The following MYO1H variants were observed in gnomAD, a reference collection of about 807,000 sequenced individuals.
MYO1H encodes the protein myosin IH.
In MYO1H, 118 loss-of-function variants were observed where a neutral mutation model predicts 149.3. That is an observed-to-expected ratio of 0.79 (90% CI 0.68 to 0.92). The LOEUF (loss-of-function observed/expected upper bound fraction) is 0.92. Among genes scored for constraint, MYO1H ranks in the 40% least tolerant of loss-of-function variants. The probability of loss-of-function intolerance (pLI) is 0.00; values close to 1 mark genes in which losing one functional copy is unlikely to be tolerated. For missense variants in MYO1H, 1,212 were observed against 1,280.7 expected (o/e 0.95, Z 0.82); for synonymous variants, 447 against 465.2 (o/e 0.96, Z 0.50).
the MYO1H span, among the ~76,000 whole-genome samples, chr12:109,310,915 T>C: frequency 6.6e-6 from 1 of 152,228 alleles, no homozygotes; most frequent in Non-Finnish European, 1.5e-5. Context: ...TTAAAATGTG[T>C]GTTTTGACCG....
intron 10 of MYO1H, among the ~76,000 whole-genome samples, chr12:109,409,225 T>C (rs12820057): frequency 0.046 from 4,746 of 102,564 alleles, 68 homozygotes; most frequent in African/African-American, 0.073. Flanking sequence ...CCTTCTTCTT[T>C]TTCTTCTTCT....
chr12:109,334,674 C>A, the MYO1H span, among the ~76,000 whole-genome samples: 5 of 152,250 alleles, frequency 3.3e-5, no homozygotes, highest in African/African-American at 1.2e-4. Context: ...GTTTTACTTA[C>A]AGATATTTTC....
chr12:109,444,083 C>G, intron 28 of MYO1H, 130 bp from the exon 29 acceptor site: 1 of 736,920 alleles, frequency 1.4e-6, no homozygotes, highest in Non-Finnish European at 2.4e-6. Context: ...TAAAGTATGC[C>G]CTTCATCCTT....
rs1413349958 is a variant in MYO1H at position 109,447,144 on chromosome 12, G to T, written c.3094-15G>T. Reference sequence around the variant, plus strand: ...GCGGGGAAGGGCTGTAAACCGAAGTGTGACTCTCTCCCAGGTGTCAGTCCG... The same window carrying T: ...GCGGGGAAGGGCTGTAAACCGAAGTTTGACTCTCTCCCAGGTGTCAGTCCG... On this transcript the variant is annotated splice_polypyrimidine_tract_variant and intron_variant, in intron 31 of 31. Coordinates refer to ENST00000310903, the Ensembl canonical transcript of MYO1H. 6.3e-6 allele frequency: 10 copies of T among 1,595,616 alleles called. No homozygotes were observed. The highest frequency in any genetic ancestry group is 8.5e-6 in the Non-Finnish European group (10 of 1,170,298).
At chr12:109,426,369 T>G (rs995149650) in intron 18 of MYO1H, among the ~76,000 whole-genome samples, 1 of 151,936 alleles carries the variant, frequency 6.6e-6, no homozygotes, top group Non-Finnish European at 1.5e-5. Flanking sequence ...CTACTAAACA[T>G]ACAAACACTA....
At chr12:109,388,013 T>C (rs1869450855) in intron 1 of MYO1H, among the ~76,000 whole-genome samples, 1 of 152,150 alleles carries the variant, frequency 6.6e-6, no homozygotes, top group Admixed American at 6.5e-5. Context: ...CCACACCTTC[T>C]CCAGTGACAT....
chr12:109,317,092 T>G, the MYO1H span, among the ~76,000 whole-genome samples: 151 of 152,274 alleles, frequency 9.9e-4, 1 homozygote, highest in African/African-American at 3.6e-3. Context: ...GTTGATTGCC[T>G]CAAAAATTAA....
chr12:109,381,056 G>T (rs1226334121), intron 1 of MYO1H, among the ~76,000 whole-genome samples: 2 of 152,038 alleles, frequency 1.3e-5, no homozygotes, highest in Non-Finnish European at 2.9e-5. Context: ...TATTGAAAAG[G>T]TCTAGAAACA....
chr12:109,410,250 T>C (rs949078868), intron 12 of MYO1H, among the ~76,000 whole-genome samples, 182 bp downstream of exon 12: 4 of 152,132 alleles, frequency 2.6e-5, no homozygotes, highest in African/African-American at 9.7e-5. Context: ...CGAGTGATCC[T>C]CCTGCCTCAG....
Position 109,409,982 on chromosome 12 carries a change from A to G in MYO1H, c.1243A>G (p.Asn415Asp), listed in dbSNP as rs55913842. 1.7e-3 allele frequency: 2,634 copies of G among 1,535,498 alleles called. 3 individuals are homozygous for G. Among genetic ancestry groups the G allele is most frequent in the Non-Finnish European group, 2.2e-3 (2,493 of 1,139,096 alleles). ...CTCTAGTTTTGAACAGTTCTGTATAAATTACTGCAATGAGAAACTCCAGCA... is the reference window on the plus strand; with the variant it reads ...CTCTAGTTTTGAACAGTTCTGTATAGATTACTGCAATGAGAAACTCCAGCA... The change falls in exon 12 of 32, where the codon AAT (asparagine) becomes GAT (aspartate). Residue 415 changes from asparagine to aspartate, a missense_variant. By Grantham distance (23) the Asn-to-Asp change is conservative. Transcript: ENST00000310903.
At chr12:109,394,188 AT>A (rs763043919) in intron 3 of MYO1H, among the ~76,000 whole-genome samples, 1 of 152,246 alleles carries the variant, frequency 6.6e-6, no homozygotes, top group Non-Finnish European at 1.5e-5. Flanking sequence ...ACAGGGTAGA[AT>A]TATTCACCTG....
chr12:109,388,774 T>C lies in MYO1H; in HGVS notation c.104T>C (p.Leu35Ser), dbSNP rs774112907. 2.4e-5 allele frequency: 39 copies of C among 1,613,126 alleles called. 2 individuals carry two copies. In the South Asian group the frequency reaches 4.3e-4, roughly 18 times the overall value. ...GTCGGGGTTCAGGATTTTGTGCTAT[T>C]GGACGCGTACACCAGCGAATCTGCC... Residue 35 changes from leucine to serine, a missense_variant, in exon 2 of 32, where the codon TTG (leucine) becomes TCG (serine). Leu to Ser is a moderately radical substitution (Grantham distance 145). Transcript: ENST00000310903.
intron 1 of MYO1H, among the ~76,000 whole-genome samples, chr12:109,352,128 G>A (rs567291679): frequency 8.6e-4 from 131 of 152,110 alleles, no homozygotes; most frequent in African/African-American, 2.8e-3. Context: ...ATTCCTTGTC[G>A]TCACATAAGC....
rs150959108 is a variant in MYO1H, at chr12:109,404,042, G to A, written c.811G>A (p.Ala271Thr). The A allele has an allele frequency of 5.4e-5, 87 of 1,613,624 alleles. No individual in the cohort carries two copies. In the East Asian group the frequency reaches 1.6e-3, roughly 31 times the overall value. ...GAATGACTGGAAAACTGTTTCCAACGCCTTTTCTGTCATTGATTTTACTGA... is the reference window on the plus strand; with the variant it reads ...GAATGACTGGAAAACTGTTTCCAACACCTTTTCTGTCATTGATTTTACTGA... The change falls in exon 7 of 32, where the codon GCC (alanine) becomes ACC (threonine). Residue 271 changes from alanine to threonine, a missense_variant. Transcript: ENST00000310903.
chr12:109,444,917 C>T (rs1024758660), intron 30 of MYO1H, among the ~76,000 whole-genome samples: 2 of 151,938 alleles, frequency 1.3e-5, no homozygotes, highest in Admixed American at 6.6e-5. Context: ...ATTGTTTTCA[C>T]TCCTGCTTGC....
At chr12:109,406,800 C>T in exon 9 of MYO1H, 2 of 1,613,948 alleles carry the variant, frequency 1.2e-6, no homozygotes, top group Admixed American at 1.7e-5. Context: ...TCCTGGGGGT[C>T]CACCCATCAG....
the MYO1H span, among the ~76,000 whole-genome samples, chr12:109,311,606 G>A: frequency 6.6e-6 from 1 of 152,178 alleles, no homozygotes; most frequent in South Asian, 2.1e-4. Flanking sequence ...GAGGACACCT[G>A]TACTAGGTGA....
chr12:109,444,344 GT>G (rs1167861113), intron 29 of MYO1H, 61 bp downstream of exon 29: 1 of 1,576,562 alleles, frequency 6.3e-7, no homozygotes, highest in African/African-American at 1.3e-5. Context: ...AAAATGTTAA[GT>G]TGACCACCGT....
At chr12:109,364,516 G>A (rs539799666) in intron 1 of MYO1H, among the ~76,000 whole-genome samples, 25 of 152,078 alleles carry the variant, frequency 1.6e-4, no homozygotes, top group Non-Finnish European at 3.1e-4. Flanking sequence ...GTAGAGATGG[G>A]GTTTCTCCAT....
Sources: allele counts gnomAD v4.1 joint callset (sites outside exome capture counted in the v4.1 genomes callset), GRCh38; gene constraint gnomAD v4.1.1; transcripts MANE v1.5; gene names NCBI Gene and HGNC (gene_info 2026-07-23, HGNC 2026-07-21).